The following RIOK3 variants were observed in gnomAD, a reference collection of about 807,000 sequenced individuals.
RIOK3 encodes the protein serine/threonine-protein kinase RIO3.
In RIOK3, 40 loss-of-function variants were observed where a neutral mutation model predicts 63.5. The observed-to-expected ratio is 0.63, with a 90% CI of 0.49 to 0.82. RIOK3 has a LOEUF of 0.82. RIOK3 is among the 40% of genes least tolerant of loss of function. RIOK3 has a pLI of 0.00. For synonymous variants in RIOK3, 193 were observed against 205.0 expected, an observed-to-expected ratio of 0.94 and a Z score of 0.50; for missense variants, 557 against 637.0, an observed-to-expected ratio of 0.87 and a Z score of 1.35.
In RIOK3 at chr18:23,457,125, T is replaced by G. The variant is rs553433737; in HGVS notation, c.63+3623T>G. On this transcript the variant is annotated intron_variant, in intron 1 of 12. Coordinates refer to ENST00000339486, the MANE Select transcript of RIOK3 (RefSeq NM_003831.5). ...AATGTAATATTACTATTATGAAAATTTTGACTTCATAGACCCTCTGAATGG... is the reference window on the plus strand; with the variant it reads ...AATGTAATATTACTATTATGAAAATGTTGACTTCATAGACCCTCTGAATGG... Among the ~76,000 whole-genome samples the G allele has an allele frequency of 4.7e-4, 72 of 152,200 alleles. 1 individual carries two copies. Among genetic ancestry groups the G allele is most frequent in the African/African-American group, 1.7e-3 (71 of 41,528 alleles).
chr18:23,467,929 C>T (rs1001343328), intron 7 of RIOK3, among the ~76,000 whole-genome samples: 26 of 152,118 alleles, frequency 1.7e-4, no homozygotes, highest in Non-Finnish European at 4.4e-5. Context: ...AGGCACATGC[C>T]ACCACGCCTG....
At chr18:23,457,975 A>T (rs902604855) in intron 1 of RIOK3, among the ~76,000 whole-genome samples, 1 of 150,508 alleles carries the variant, frequency 6.6e-6, no homozygotes. Flanking sequence ...GCTCACTGCA[A>T]CCTCCACCCC....
At chr18:23,470,120 G>A (rs1320959202) in intron 7 of RIOK3, among the ~76,000 whole-genome samples, 2 of 151,994 alleles carry the variant, frequency 1.3e-5, no homozygotes, top group Non-Finnish European at 2.9e-5. Context: ...AAAGAAATCC[G>A]TTGGAGGACC....
chr18:23,468,292 CCT>C (rs2057423889), intron 7 of RIOK3, among the ~76,000 whole-genome samples: 1 of 138,090 alleles, frequency 7.2e-6, no homozygotes, highest in African/African-American at 2.8e-5. Context: ...TCAATATACT[CCT>C]TTTTTTTTTT....
intron 9 of RIOK3, among the ~76,000 whole-genome samples, chr18:23,476,074 A>G (rs1468793777): frequency 6.6e-6 from 1 of 151,002 alleles, no homozygotes; most frequent in African/African-American, 2.4e-5. Flanking sequence ...GGTGTGAGCC[A>G]CCACACCCAG....
intron 1 of RIOK3, among the ~76,000 whole-genome samples, chr18:23,458,001 C>G (rs2057351396): frequency 6.6e-6 from 1 of 150,946 alleles, no homozygotes; most frequent in East Asian, 1.9e-4. Flanking sequence ...TCAAGCAATT[C>G]TTGTGCTTCA....
chr18:23,462,265 G>A (rs906469703), intron 1 of RIOK3, among the ~76,000 whole-genome samples: 2 of 148,486 alleles, frequency 1.3e-5, no homozygotes, highest in African/African-American at 5.0e-5. Flanking sequence ...TCAGCCTCCT[G>A]AGTAGCTGGG....
At chr18:23,480,181 C>T (rs1305580715) in intron 12 of RIOK3, among the ~76,000 whole-genome samples, 1 of 152,122 alleles carries the variant, frequency 6.6e-6, no homozygotes, top group Non-Finnish European at 1.5e-5. Context: ...TGAACAAAAT[C>T]TAAAAGGTGA....
chr18:23,463,752 G>C (rs749041300), intron 2 of RIOK3, among the ~76,000 whole-genome samples: 3 of 152,124 alleles, frequency 2.0e-5, no homozygotes, highest in Non-Finnish European at 4.4e-5. Flanking sequence ...CCTCAGTTTA[G>C]CTTTCTCTCC....
chr18:23,465,244 G>A (rs1197122426), intron 5 of RIOK3, among the ~76,000 whole-genome samples: 1 of 152,076 alleles, frequency 6.6e-6, no homozygotes, highest in Admixed American at 6.6e-5. Flanking sequence ...GGTGGCGCAT[G>A]CCTGTAATCC....
intron 6 of RIOK3, 111 bp downstream of exon 6, chr18:23,466,387 T>A: frequency 1.1e-6 from 1 of 883,662 alleles, no homozygotes; most frequent in Middle Eastern, 3.5e-4. Flanking sequence ...TGAGATTGGC[T>A]TTTTAAATCA....
chr18:23,464,033 G>C lies in RIOK3; in HGVS notation c.246G>C (p.Gln82His), dbSNP rs781024819. The change falls in exon 3 of 13, where the codon CAG becomes CAC. Residue 82 changes from glutamine (Q) to histidine (H), a missense_variant. This residue lies in a region of RIOK3 where 243 missense variants were observed against 275.4 expected (regional missense o/e 0.88). Transcript: ENST00000339486. Reference protein sequence around the residue: ...IDTSSDLMLAQMLQMEYDREY... With the variant: ...IDTSSDLMLAHMLQMEYDREY... ...CTTCCAGTGACCTTATGCTGGCTCA[G>C]ATGCTACAGATGGAATATGACAGAG... 7 of 1,613,450 alleles carry C rather than the reference G, an allele frequency of 4.3e-6. No individual in the cohort carries two copies. The highest frequency in any genetic ancestry group is 5.1e-6 in the Non-Finnish European group (6 of 1,179,632).
In RIOK3 at chr18:23,467,540, A is replaced by G. The variant is rs2057417901; in HGVS notation, c.815+14A>G. The G allele has an allele frequency of 1.2e-6, 2 of 1,608,990 alleles. No individual in the cohort carries two copies. The highest frequency in any genetic ancestry group is 2.7e-5 in the African/African-American group (2 of 74,896). ...ATATGGAGGGAGGTAAATGAGCAAAATATGATACCATGATATGAAAACTTA... is the reference window on the plus strand; with the variant it reads ...ATATGGAGGGAGGTAAATGAGCAAAGTATGATACCATGATATGAAAACTTA... On this transcript the variant is annotated intron_variant, in intron 7 of 12. Transcript: ENST00000339486.
intron 9 of RIOK3, among the ~76,000 whole-genome samples, chr18:23,476,225 A>G (rs1598815178): frequency 6.6e-6 from 1 of 152,202 alleles, no homozygotes; most frequent in South Asian, 2.1e-4. Flanking sequence ...AGGAAACTAC[A>G]TGCTTTGAAA....
intron 9 of RIOK3, among the ~76,000 whole-genome samples, chr18:23,476,238 G>A (rs1335865693): frequency 6.6e-6 from 1 of 152,126 alleles, no homozygotes; most frequent in East Asian, 1.9e-4. Context: ...CTTTGAAATA[G>A]CAACTGAATT....
chr18:23,461,431 C>T (rs1450313710), intron 1 of RIOK3, among the ~76,000 whole-genome samples: 1 of 152,164 alleles, frequency 6.6e-6, no homozygotes, highest in Non-Finnish European at 1.5e-5. Context: ...AGAATGGAAA[C>T]TACCAAGATT....
At chr18:23,464,180 AT>A in intron 3 of RIOK3, 25 bp from the exon 4 acceptor site, 1 of 1,610,428 alleles carries the variant, frequency 6.2e-7, no homozygotes, top group Non-Finnish European at 8.5e-7. Flanking sequence ...TCCTAAGTAA[AT>A]CTTCAACTAT....
chr18:23,460,764 C>T (rs1393557238), intron 1 of RIOK3, among the ~76,000 whole-genome samples: 1 of 152,126 alleles, frequency 6.6e-6, no homozygotes, highest in Non-Finnish European at 1.5e-5. Context: ...AGAAGGAAGT[C>T]AGGAGAGTCA....
At chr18:23,467,087 G>A (rs533088616) in intron 6 of RIOK3, among the ~76,000 whole-genome samples, 8 of 151,810 alleles carry the variant, frequency 5.3e-5, no homozygotes, top group South Asian at 2.1e-4. Flanking sequence ...AGGCCAAGGC[G>A]GGCGGATCAT....
Sources: allele counts gnomAD v4.1 joint callset (sites outside exome capture counted in the v4.1 genomes callset), GRCh38; gene constraint gnomAD v4.1.1; regional missense constraint gnomAD v4.1.1; transcripts MANE v1.5; gene names NCBI Gene and HGNC (gene_info 2026-07-23, HGNC 2026-07-21).